Variants in DYNC2H1 observed in about 807,000 individuals in gnomAD.
DYNC2H1 encodes the protein dynein cytoplasmic 2 heavy chain 1.
A neutral mutation model predicts 570.0 loss-of-function variants in DYNC2H1; 410 were observed. That is an observed-to-expected ratio of 0.72 (90% CI 0.66 to 0.78). The LOEUF (loss-of-function observed/expected upper bound fraction) is 0.78. Among genes scored for constraint, DYNC2H1 ranks in the 30% least tolerant of loss-of-function variants. The probability of loss-of-function intolerance (pLI) is 0.00; values close to 1 mark genes in which losing one functional copy is unlikely to be tolerated. For synonymous variants in DYNC2H1, 1,688 were observed against 1,677.6 expected (o/e 1.01, Z -0.15); for missense variants, 4,865 against 5,046.4 (o/e 0.96, Z 1.09).
intron 45 of DYNC2H1, among the ~76,000 whole-genome samples, chr11:103,190,594 A>C (rs1862259801): frequency 6.6e-6 from 1 of 152,210 alleles, no homozygotes. Context: ...AATAGCGTGT[A>C]CAAGTTATAG....
Position 103,238,124 on chromosome 11 carries a change from A to C in DYNC2H1, c.9819+1585A>C, listed in dbSNP as rs371069638. 4.6e-3 allele frequency among the ~76,000 whole-genome samples: 707 copies of C among 152,266 alleles called. 3 individuals carry two copies. The highest frequency in any genetic ancestry group is 0.018 in the South Asian group (85 of 4,816). On this transcript the variant is annotated intron_variant, in intron 63 of 88. Transcript: ENST00000375735. ...AGTTGTAGTTTAAGGGTGTGATTGGATAGCACGTAATCTGTAACATCAACT... is the reference window on the plus strand; with the variant it reads ...AGTTGTAGTTTAAGGGTGTGATTGGCTAGCACGTAATCTGTAACATCAACT...
chr11:103,357,111 C>T (rs1940387128), intron 82 of DYNC2H1, among the ~76,000 whole-genome samples: 1 of 151,848 alleles, frequency 6.6e-6, no homozygotes, highest in East Asian at 1.9e-4. Flanking sequence ...TATATATAAA[C>T]ACACATATAT....
chr11:103,131,288 T>C (rs1038900711), intron 13 of DYNC2H1, among the ~76,000 whole-genome samples: 1 of 152,164 alleles, frequency 6.6e-6, no homozygotes. Flanking sequence ...TATTTTTTAC[T>C]TATCCCAATA....
chr11:103,385,856 C>G (rs1363737014), intron 83 of DYNC2H1, among the ~76,000 whole-genome samples: 2 of 152,094 alleles, frequency 1.3e-5, no homozygotes, highest in African/African-American at 4.8e-5. Context: ...TTTCTCTACC[C>G]CTTGTACCTA....
intron 84 of DYNC2H1, chr11:103,404,899 C>G (rs1024876856): frequency 6.6e-6 from 1 of 151,836 alleles, no homozygotes; most frequent in African/African-American, 2.4e-5. Context: ...GACCTTGATG[C>G]TAGTAGGGAT....
At chr11:103,307,648 C>A in intron 77 of DYNC2H1, 73 bp from the exon 78 acceptor site, 1 of 698,086 alleles carries the variant, frequency 1.4e-6, no homozygotes, top group Non-Finnish European at 2.3e-6. Context: ...AAAATAGTTA[C>A]TAATAATGTA....
chr11:103,308,117 A>C (rs1867386652), intron 78 of DYNC2H1, among the ~76,000 whole-genome samples: 1 of 152,158 alleles, frequency 6.6e-6, no homozygotes, highest in South Asian at 2.1e-4. Context: ...CTTGTTGTGC[A>C]GTAGATCTGT....
intron 83 of DYNC2H1, among the ~76,000 whole-genome samples, chr11:103,393,425 C>T (rs1942257432): frequency 6.6e-6 from 1 of 152,076 alleles, no homozygotes; most frequent in Admixed American, 6.6e-5. Context: ...AAGATACTTT[C>T]CTAGAAATAA....
Position 103,231,321 on chromosome 11 carries a change from CA to C in DYNC2H1, c.9419del (p.Lys3140ArgfsTer23). ...KLEELLNSVG[Q>X]KVSELKEKFQ... Reference sequence around the variant, plus strand: ...AGAGGAGCTTCTTAATTCTGTTGGTCAAAAGGTATCAGAACTCAAAGAAAAG... The same window carrying C: ...AGAGGAGCTTCTTAATTCTGTTGGTCAAAGGTATCAGAACTCAAAGAAAAG... On this transcript the variant is annotated frameshift_variant, in exon 60 of 89. Coordinates refer to ENST00000375735, the MANE Select transcript of DYNC2H1 (RefSeq NM_001377.3). LOFTEE classifies it high-confidence loss of function. 6.2e-7 allele frequency: 1 copy of C among 1,605,574 alleles called. No homozygotes were observed. Among genetic ancestry groups the C allele is most frequent in the Non-Finnish European group, 8.5e-7 (1 of 1,176,286 alleles).
chr11:103,404,764 G>A (rs542382667), intron 84 of DYNC2H1: 67 of 151,820 alleles, frequency 4.4e-4, no homozygotes, highest in African/African-American at 1.5e-3. Context: ...AATGTCTAGT[G>A]ATGAATTAGC....
At chr11:103,478,401 G>C (rs1945634970) in intron 88 of DYNC2H1, among the ~76,000 whole-genome samples, 1 of 152,054 alleles carries the variant, frequency 6.6e-6, no homozygotes, top group African/African-American at 2.4e-5. Flanking sequence ...GATTATCAGT[G>C]GCCTCTAATA....
chr11:103,138,599 C>G (rs951875867), intron 17 of DYNC2H1, among the ~76,000 whole-genome samples: 24 of 151,800 alleles, frequency 1.6e-4, no homozygotes, highest in Non-Finnish European at 2.9e-4. Flanking sequence ...TTGATGTGCT[C>G]CTGGATTTGG....
intron 11 of DYNC2H1, 22 bp from the exon 12 acceptor site, chr11:103,125,078 G>T (rs778674424): frequency 1.9e-6 from 3 of 1,568,080 alleles, no homozygotes; most frequent in Non-Finnish European, 2.6e-6. Context: ...AAACTTAACA[G>T]GTTATTTATT....
intron 77 of DYNC2H1, 21 bp from the exon 78 acceptor site, chr11:103,307,699 TG>T: frequency 7.5e-7 from 1 of 1,341,274 alleles, no homozygotes; most frequent in African/African-American, 1.5e-5. Flanking sequence ...AGTAAATTTT[TG>T]TCATTGGTTT....
chr11:103,173,342 A>G lies in DYNC2H1; in HGVS notation c.5558+37A>G, dbSNP rs767417995. 6.6e-6 allele frequency: 9 copies of G among 1,364,452 alleles called. No individual in the cohort carries two copies. In the East Asian group the frequency reaches 2.6e-4, roughly 39 times the overall value. The allele number at this position is 1,364,452 out of a possible 1,614,324, so 84.5% of individuals were successfully genotyped here. On this transcript the variant is annotated intron_variant, in intron 35 of 88. Coordinates refer to ENST00000375735, the MANE Select transcript of DYNC2H1 (RefSeq NM_001377.3). ...TGTTCTAAATATTTTTATATTTTAC[A>G]TTTCTAATGATTGATTTTGGTTATT...
intron 84 of DYNC2H1, among the ~76,000 whole-genome samples, chr11:103,430,193 C>T (rs907117734): frequency 9.9e-5 from 15 of 152,030 alleles, no homozygotes; most frequent in Admixed American, 6.6e-4. Flanking sequence ...ATACAATAAA[C>T]ATATTAAGAT....
chr11:103,189,646 T>C lies in DYNC2H1; in HGVS notation c.7293-26T>C. On this transcript the variant is annotated intron_variant, in intron 44 of 88. Transcript: ENST00000375735. The surrounding 1 kb of genome is among the most constrained non-coding windows in gnomAD (Gnocchi z 4.3). Reference sequence around the variant, plus strand: ...TTTGGAATACTGATTTATTTCAGCTTTCTTCTTATATGCCATTTTTTTTAG... The same window carrying C: ...TTTGGAATACTGATTTATTTCAGCTCTCTTCTTATATGCCATTTTTTTTAG... The C allele has an allele frequency of 6.2e-7, 1 of 1,606,044 alleles. No individual in the cohort carries two copies.
In DYNC2H1 at chr11:103,288,339, A is replaced by G. The variant is rs899026476; in HGVS notation, c.11095+734A>G. ...AAACTGAGGTAATTATGACAGTGAA[A>G]GAGCTCAGGCCAAACTGACTCCATC... On this transcript the variant is annotated intron_variant, in intron 75 of 88. Transcript: ENST00000375735. Among the ~76,000 whole-genome samples the G allele has an allele frequency of 2.0e-5, 3 of 152,112 alleles. No individual in the cohort carries two copies. In the South Asian group the frequency reaches 6.2e-4, roughly 32 times the overall value.
chr11:103,475,282 CTAATA>C (rs1483592776), intron 88 of DYNC2H1, among the ~76,000 whole-genome samples: 2 of 152,034 alleles, frequency 1.3e-5, no homozygotes. Context: ...TGAAGTCTTC[CTAATA>C]TATCTCCTTT....
Sources: allele counts gnomAD v4.1 joint callset (sites outside exome capture counted in the v4.1 genomes callset), GRCh38; gene constraint gnomAD v4.1.1; non-coding constraint Gnocchi (gnomAD v3.1); transcripts MANE v1.5; gene names NCBI Gene and HGNC (gene_info 2026-07-23, HGNC 2026-07-21).